Variants in FRMD4A observed in about 807,000 individuals in gnomAD.
FRMD4A encodes the protein FERM domain containing 4A.
Under a neutral mutation model 129.1 loss-of-function variants are expected in FRMD4A, and 29 were observed. That is an observed-to-expected ratio of 0.22 (90% CI 0.17 to 0.31). FRMD4A has a LOEUF of 0.31. Ranked by LOEUF, FRMD4A falls within the 10% of genes least tolerant of loss-of-function variation. The pLI is 1.00. For missense variants in FRMD4A, 1,272 were observed against 1,375.8 expected (o/e 0.92, Z 1.19); for synonymous variants, 634 against 571.6 (o/e 1.11, Z -1.56).
chr10:14,007,036 TTTAG>T (rs1266700759), intron 2 of FRMD4A, among the ~76,000 whole-genome samples: 1 of 151,766 alleles, frequency 6.6e-6, no homozygotes, highest in Non-Finnish European at 1.5e-5. Context: ...TTTTTAAACC[TTTAG>T]TTTTTTTTTT....
At chr10:13,759,437 T>C (rs1005523834) in intron 8 of FRMD4A, among the ~76,000 whole-genome samples, 1 of 152,196 alleles carries the variant, frequency 6.6e-6, no homozygotes, top group Non-Finnish European at 1.5e-5. Context: ...CAGATCATGC[T>C]ATTCCCAGTT....
intron 2 of FRMD4A, among the ~76,000 whole-genome samples, chr10:13,875,751 C>T (rs554998056): frequency 6.6e-6 from 1 of 152,142 alleles, no homozygotes; most frequent in Non-Finnish European, 1.5e-5. Context: ...AAAGCTGCAT[C>T]GGTGGCCTAC....
chr10:14,184,298 A>ATTTTTTTTTTTTTTTTTTT (rs60196881), intron 2 of FRMD4A, among the ~76,000 whole-genome samples: 10,287 of 103,000 alleles, frequency 0.1, 1,313 homozygotes, highest in Non-Finnish European at 0.13. Flanking sequence ...CAACCGGTTA[A>ATTTTTTTTTTTTTTTTTTT]TTTTTTTTTT....
At chr10:13,779,494 G>C (rs1709188788) in intron 6 of FRMD4A, among the ~76,000 whole-genome samples, 1 of 152,098 alleles carries the variant, frequency 6.6e-6, no homozygotes, top group Non-Finnish European at 1.5e-5. Context: ...TTCCTTAGTA[G>C]AACTTTTATT....
At position 13,829,269 on chromosome 10, in the gene FRMD4A, A is replaced by G. The variant is rs1217653198; in HGVS notation, c.112-18361T>C. On this transcript the variant is annotated intron_variant, in intron 3 of 24. Transcript: ENST00000357447. Reference sequence around the variant, plus strand: ...GCAGGGCATGGTGGCTCACACCTCTAATCCCAGCACTTTGGGGGTCCGAGG... The same window carrying G: ...GCAGGGCATGGTGGCTCACACCTCTGATCCCAGCACTTTGGGGGTCCGAGG... Among the ~76,000 whole-genome samples, 2 of 152,306 alleles carry G rather than the reference A, an allele frequency of 1.3e-5. 1 individual carries two copies. Among genetic ancestry groups the G allele is most frequent in the East Asian group, 3.9e-4 (2 of 5,176 alleles).
intron 2 of FRMD4A, among the ~76,000 whole-genome samples, chr10:14,308,389 C>T (rs1846423312): frequency 6.6e-6 from 1 of 151,030 alleles, no homozygotes; most frequent in Admixed American, 6.6e-5. Flanking sequence ...TACTGACTAC[C>T]AATTTATTAT....
chr10:13,984,586 C>G (rs908973283), intron 2 of FRMD4A, among the ~76,000 whole-genome samples: 1 of 152,134 alleles, frequency 6.6e-6, no homozygotes, highest in East Asian at 1.9e-4. Flanking sequence ...CTGTCCCTGT[C>G]GGTTTGACAA....
chr10:13,993,210 G>A (rs1370610035), intron 2 of FRMD4A, among the ~76,000 whole-genome samples: 1 of 152,172 alleles, frequency 6.6e-6, no homozygotes, highest in Non-Finnish European at 1.5e-5. Context: ...GGACAATGGA[G>A]AAGCCTGACT....
chr10:13,730,086 A>G lies in FRMD4A; in HGVS notation c.759+7758T>C, dbSNP rs118078684. On this transcript the variant is annotated intron_variant, in intron 12 of 24. Transcript: ENST00000357447. ...ATGATCAGATGGCTGGTTTGTCTGCAGGTCTGGGGACTGTGCAACCCCCTG... is the reference window on the plus strand; with the variant it reads ...ATGATCAGATGGCTGGTTTGTCTGCGGGTCTGGGGACTGTGCAACCCCCTG... Among the ~76,000 whole-genome samples the G allele has an allele frequency of 9.7e-4, 148 of 152,286 alleles. 1 individual carries two copies. In the East Asian group the frequency reaches 0.021, roughly 22 times the overall value.
chr10:13,988,755 G>T (rs1352670938), intron 2 of FRMD4A, among the ~76,000 whole-genome samples: 1 of 152,108 alleles, frequency 6.6e-6, no homozygotes, highest in East Asian at 1.9e-4. Context: ...TTTCTATAGA[G>T]ATCTATCTGC....
At chr10:13,881,671 C>T (rs919122662) in intron 2 of FRMD4A, among the ~76,000 whole-genome samples, 4 of 152,004 alleles carry the variant, frequency 2.6e-5, no homozygotes, top group South Asian at 2.1e-4. Flanking sequence ...CCAGGGATAA[C>T]GCTGGGTGCT....
chr10:14,073,102 C>T (rs143355272), intron 2 of FRMD4A, among the ~76,000 whole-genome samples: 2 of 152,210 alleles, frequency 1.3e-5, no homozygotes, highest in African/African-American at 4.8e-5. Context: ...GTAACCTGCA[C>T]CCTTACCAGC....
chr10:13,800,583 G>A (rs2093230576), intron 4 of FRMD4A, among the ~76,000 whole-genome samples: 1 of 152,190 alleles, frequency 6.6e-6, no homozygotes, highest in South Asian at 2.1e-4. Context: ...ATTAGTCAAT[G>A]GTCCAGGCTT....
intron 2 of FRMD4A, among the ~76,000 whole-genome samples, chr10:14,108,910 T>A (rs1242620421): frequency 6.6e-6 from 1 of 152,214 alleles, no homozygotes; most frequent in Non-Finnish European, 1.5e-5. Flanking sequence ...TCAAAGTCTC[T>A]GGCTGCCATG....
At chr10:13,831,121 G>GAC (rs1308133501) in intron 3 of FRMD4A, among the ~76,000 whole-genome samples, 1 of 152,142 alleles carries the variant, frequency 6.6e-6, no homozygotes, top group Non-Finnish European at 1.5e-5. Context: ...CTCCAGACCT[G>GAC]ACACTTCTTA....
At position 14,046,777 on chromosome 10, in the gene FRMD4A, G is replaced by C. The variant is rs190634322; in HGVS notation, c.46-187865C>G. Among the ~76,000 whole-genome samples, 9 of 152,324 alleles carry C rather than the reference G, an allele frequency of 5.9e-5. No homozygotes were observed. The East Asian group carries it at 1.7e-3, about 29-fold the overall frequency. ...GCCTGGCTTTGCCCTGGAGCAGCCTGAAGACTGGGTAAGGAAATGGTTTTG... is the reference window on the plus strand; with the variant it reads ...GCCTGGCTTTGCCCTGGAGCAGCCTCAAGACTGGGTAAGGAAATGGTTTTG... On this transcript the variant is annotated intron_variant, in intron 2 of 24. Transcript: ENST00000357447.
At chr10:14,272,244 C>A (rs748956172) in intron 2 of FRMD4A, among the ~76,000 whole-genome samples, 2 of 152,096 alleles carry the variant, frequency 1.3e-5, no homozygotes, top group Non-Finnish European at 2.9e-5. Context: ...CATGGAATGG[C>A]CATGCTGGCT....
At chr10:14,036,517 G>A (rs192854115) in intron 2 of FRMD4A, among the ~76,000 whole-genome samples, 2 of 152,134 alleles carry the variant, frequency 1.3e-5, no homozygotes, top group East Asian at 3.9e-4. Context: ...TTCTTAACCC[G>A]GATTGCTTGC....
intron 2 of FRMD4A, among the ~76,000 whole-genome samples, chr10:13,890,230 A>T (rs11258710): frequency 6.6e-6 from 1 of 152,072 alleles, no homozygotes; most frequent in African/African-American, 2.4e-5. Context: ...ACCAAAAACA[A>T]AACAATGAAA....
Sources: gnomAD v4.1 joint callset for allele counts (sites outside exome capture counted in the v4.1 genomes callset) on GRCh38, gnomAD v4.1.1 for gene constraint, MANE v1.5 for transcripts, NCBI Gene and HGNC (gene_info 2026-07-23, HGNC 2026-07-21) for gene names.